GPC5: variants seen among roughly 807,000 people sequenced by gnomAD.
GPC5 encodes the protein glypican-5.
GPC5 carries 47 observed loss-of-function variants against 53.9 expected under a neutral mutation model. The observed-to-expected ratio is 0.87, with a 90% CI of 0.69 to 1.11. The LOEUF (loss-of-function observed/expected upper bound fraction) is 1.11, where lower values mean the gene tolerates loss of function less well. GPC5 is among the 50% of genes most tolerant of loss of function. The pLI is 0.00. For missense variants in GPC5, 748 were observed against 713.1 expected (o/e 1.05, Z -0.56); for synonymous variants, 286 against 263.3 (o/e 1.09, Z -0.84).
chr13:91,521,136 T>A (rs1244293951), intron 2 of GPC5, among the ~76,000 whole-genome samples: 2 of 152,224 alleles, frequency 1.3e-5, no homozygotes, highest in Non-Finnish European at 2.9e-5. Context: ...ACATTTCACA[T>A]GTACCATGCT....
At chr13:91,519,565 TC>T (rs1444431037) in intron 2 of GPC5, among the ~76,000 whole-genome samples, 2 of 152,198 alleles carry the variant, frequency 1.3e-5, no homozygotes, top group African/African-American at 4.8e-5. Flanking sequence ...TGTGTCTACT[TC>T]CCCTTTGCTT....
At chr13:92,771,799 A>G (rs750770922) in intron 7 of GPC5, among the ~76,000 whole-genome samples, 2 of 152,170 alleles carry the variant, frequency 1.3e-5, no homozygotes, top group African/African-American at 2.4e-5. Context: ...ATTTCTTACA[A>G]TCCGTAAATT....
At chr13:92,197,529 G>C (rs1366184240) in intron 7 of GPC5, among the ~76,000 whole-genome samples, 1 of 152,012 alleles carries the variant, frequency 6.6e-6, no homozygotes, top group Non-Finnish European at 1.5e-5. Flanking sequence ...ACAGGGTCTC[G>C]CTTTTTCTCC....
At chr13:91,987,501 C>G (rs1255582317) in intron 6 of GPC5, among the ~76,000 whole-genome samples, 1 of 152,066 alleles carries the variant, frequency 6.6e-6, no homozygotes, top group African/African-American at 2.4e-5. Context: ...TTTAGAGTTA[C>G]TTCTTGGAGA....
intron 7 of GPC5, among the ~76,000 whole-genome samples, chr13:92,295,222 T>C (rs7338413): frequency 0.035 from 5,328 of 152,244 alleles, 319 homozygotes; most frequent in African/African-American, 0.12. Context: ...TGCATCACTA[T>C]TGTCATTCAG....
In GPC5 at chr13:92,003,171, C is replaced by T. The variant is rs139668257; in HGVS notation, c.1401+95114C>T. 2.3e-3 allele frequency among the ~76,000 whole-genome samples: 352 copies of T among 151,738 alleles called. 1 individual carries two copies. The highest frequency in any genetic ancestry group is 7.6e-3 in the African/African-American group (313 of 41,406). ...ACTAAAAATACAAAAATTAGCTGGG[C>T]GTGGTGGTGCATACCTGTAATCCCA... On this transcript the variant is annotated intron_variant, in intron 6 of 7. Coordinates refer to ENST00000377067, the MANE Select transcript of GPC5 (RefSeq NM_004466.6).
intron 2 of GPC5, among the ~76,000 whole-genome samples, chr13:91,621,938 G>A (rs532259885): frequency 2.6e-5 from 4 of 151,960 alleles, no homozygotes; most frequent in South Asian, 2.1e-4. Context: ...GTCTGTGGCC[G>A]AAGGCCTGAG....
At chr13:91,810,281 T>C (rs2038289007) in intron 5 of GPC5, among the ~76,000 whole-genome samples, 1 of 151,988 alleles carries the variant, frequency 6.6e-6, no homozygotes, top group South Asian at 2.1e-4. Context: ...AGAATTCTTA[T>C]TGGATAATTA....
intron 7 of GPC5, among the ~76,000 whole-genome samples, chr13:92,809,893 T>C (rs1877231119): frequency 6.6e-6 from 1 of 152,124 alleles, no homozygotes; most frequent in Non-Finnish European, 1.5e-5. Flanking sequence ...CTAGAGAAAC[T>C]TGTAAACCTA....
chr13:91,425,313 A>G (rs1594071819), intron 1 of GPC5, among the ~76,000 whole-genome samples: 1 of 152,040 alleles, frequency 6.6e-6, no homozygotes, highest in Non-Finnish European at 1.5e-5. Flanking sequence ...TAATTTACCT[A>G]TTTCCTGGGT....
At chr13:92,601,996 C>T (rs982713384) in intron 7 of GPC5, among the ~76,000 whole-genome samples, 11 of 150,948 alleles carry the variant, frequency 7.3e-5, no homozygotes, top group East Asian at 1.9e-4. Flanking sequence ...ACTTTTATGG[C>T]GGCAGAAATT....
intron 7 of GPC5, among the ~76,000 whole-genome samples, chr13:92,520,669 G>T (rs1054048197): frequency 1.3e-5 from 2 of 152,076 alleles, no homozygotes; most frequent in Admixed American, 6.6e-5. Context: ...CCCACAGCCA[G>T]TATCATACTG....
intron 7 of GPC5, among the ~76,000 whole-genome samples, chr13:92,476,967 CG>C (rs1459170556): frequency 1.6e-4 from 24 of 148,396 alleles, no homozygotes; most frequent in Non-Finnish European, 3.1e-4. Flanking sequence ...GTGGGTGCAG[CG>C]CACCAGCATG....
intron 7 of GPC5, among the ~76,000 whole-genome samples, chr13:92,399,076 ACT>A (rs1349243641): frequency 1.3e-5 from 2 of 151,942 alleles, no homozygotes; most frequent in Non-Finnish European, 1.5e-5. Context: ...CACCCAAAAG[ACT>A]CTACAGATAA....
At chr13:91,498,806 C>G (rs1884452760) in intron 2 of GPC5, among the ~76,000 whole-genome samples, 1 of 151,354 alleles carries the variant, frequency 6.6e-6, no homozygotes, top group African/African-American at 2.4e-5. Flanking sequence ...CCCGTCTCTA[C>G]AAAAAAATAC....
intron 1 of GPC5, among the ~76,000 whole-genome samples, chr13:91,445,807 C>T (rs759506401): frequency 1.2e-4 from 19 of 152,116 alleles, no homozygotes; most frequent in Non-Finnish European, 2.2e-4. Context: ...TCTGGAATTT[C>T]CCATTTAATA....
chr13:91,468,035 G>A (rs1882358127), intron 2 of GPC5, among the ~76,000 whole-genome samples: 1 of 152,110 alleles, frequency 6.6e-6, no homozygotes. Flanking sequence ...TTCCTGCCCA[G>A]GCTGAAGGAG....
intron 6 of GPC5, among the ~76,000 whole-genome samples, chr13:91,971,131 C>T (rs573026810): frequency 5.3e-5 from 8 of 152,220 alleles, no homozygotes; most frequent in African/African-American, 1.7e-4. Context: ...TTGATTATTC[C>T]CACAATTTCA....
intron 5 of GPC5, among the ~76,000 whole-genome samples, chr13:91,877,452 A>G (rs1436844292): frequency 4.6e-5 from 7 of 152,214 alleles, no homozygotes; most frequent in Admixed American, 4.6e-4. Context: ...TGAGACCAGG[A>G]GTCAAAGGAG....
Sources: gnomAD v4.1 joint callset for allele counts (sites outside exome capture counted in the v4.1 genomes callset) on GRCh38, gnomAD v4.1.1 for gene constraint, MANE v1.5 for transcripts, NCBI Gene and HGNC (gene_info 2026-07-23, HGNC 2026-07-21) for gene names.